The following ERAP2 variants were observed in gnomAD, a reference collection of about 807,000 sequenced individuals.
The protein encoded by ERAP2 is endoplasmic reticulum aminopeptidase 2.
Under a neutral mutation model 111.1 loss-of-function variants are expected in ERAP2, and 118 were observed. The ratio of observed to expected loss-of-function variants is 1.06; its 90% CI spans 0.92 to 1.24. The LOEUF is 1.24. ERAP2 is among the 50% of genes most tolerant of loss of function. The pLI is 0.00. For synonymous variants in ERAP2, 410 were observed against 401.2 expected (o/e 1.02, Z -0.26); for missense variants, 1,131 against 1,125.8 (o/e 1.00, Z -0.07).
chr5:96,886,695 A>C lies in ERAP2; in HGVS notation c.755A>C (p.His252Pro), dbSNP rs1783756451. 1 of 1,552,622 alleles carries C rather than the reference A, an allele frequency of 6.4e-7. No individual in the cohort carries two copies. Among genetic ancestry groups the C allele is most frequent in the Admixed American group, 1.7e-5 (1 of 58,418 alleles). The change falls in exon 4 of 19, where the codon CAC becomes CCC. Residue 252 changes from histidine (H) to proline (P), a missense_variant. His to Pro is a moderately conservative substitution (Grantham distance 77). Around this residue, in one of 3 missense-constraint regions of ERAP2, gnomAD observed 847 missense variants for 856.5 expected, o/e 0.99. Transcript: ENST00000437043. The part of the protein sequence containing the change: ...IELEGGLLED[H>P]FETTVKMSTY... The stretch of plus-strand genomic sequence containing the variant: ...CTTGAAGGAGGTCTTTTGGAAGATC[A>C]CTTTGAAACTACTGTAAAAATGAGT...
At chr5:96,893,508 T>G (rs1274408638) in intron 6 of ERAP2, among the ~76,000 whole-genome samples, 2 of 152,208 alleles carry the variant, frequency 1.3e-5, no homozygotes, top group Non-Finnish European at 2.9e-5. Flanking sequence ...GTTTTGATCA[T>G]GAGTCACCAG....
chr5:96,890,310 G>A (rs1323750045), intron 5 of ERAP2, among the ~76,000 whole-genome samples: 5 of 152,062 alleles, frequency 3.3e-5, no homozygotes, highest in African/African-American at 7.2e-5. Flanking sequence ...TAAGGAACAC[G>A]CAACTTAGAT....
chr5:96,876,247 A>T (rs1317941062), upstream of ERAP2: 3 of 152,348 alleles, frequency 2.0e-5, no homozygotes, highest in East Asian at 5.6e-4. Flanking sequence ...CCTGGGGACA[A>T]GGGAAGGGAG....
intron 12 of ERAP2, 148 bp from the exon 13 acceptor site, chr5:96,903,229 G>A (rs1010411451): frequency 3.4e-6 from 2 of 586,838 alleles, no homozygotes; most frequent in Non-Finnish European, 5.7e-6. Flanking sequence ...ATCATCCAGT[G>A]AACTACGAAA....
At chr5:96,915,656 T>A in intron 17 of ERAP2, 32 bp from the exon 18 acceptor site, 2 of 1,365,826 alleles carry the variant, frequency 1.5e-6, no homozygotes, top group South Asian at 1.4e-5. Flanking sequence ...AGTATTTCTA[T>A]GACTTTCTAT....
intron 14 of ERAP2, 121 bp from the exon 15 acceptor site, chr5:96,909,459 C>A: frequency 3.9e-6 from 3 of 768,928 alleles, no homozygotes; most frequent in South Asian, 1.8e-5. Flanking sequence ...TACGAAGATA[C>A]ACTGTTTGGG....
chr5:96,917,666 G>A lies in ERAP2; in HGVS notation c.*61G>A. 1 of 1,416,504 alleles carries A rather than the reference G, an allele frequency of 7.1e-7. No individual in the cohort carries two copies. Among genetic ancestry groups the A allele is most frequent in the Non-Finnish European group, 9.6e-7 (1 of 1,039,340 alleles). The allele number at this position is 1,416,504 out of a possible 1,614,324, so 87.7% of individuals were successfully genotyped here. ...TCACGCCTGTAATCCCAGCACTTTG[G>A]GAGGCTGAGAAGGGCGGATCACGAG... On this transcript the variant is annotated 3_prime_UTR_variant, in exon 19 of 19. Transcript: ENST00000437043.
chr5:96,889,489 C>G, intron 5 of ERAP2, 184 bp downstream of exon 5: 1 of 731,032 alleles, frequency 1.4e-6, no homozygotes, highest in Non-Finnish European at 2.4e-6. Flanking sequence ...TGACATGCCC[C>G]AACAGTGTGG....
chr5:96,885,553 C>T (rs1363359399), intron 3 of ERAP2, among the ~76,000 whole-genome samples: 1 of 152,170 alleles, frequency 6.6e-6, no homozygotes, highest in Non-Finnish European at 1.5e-5. Flanking sequence ...CATTTGCCAT[C>T]AAAGTAGACT....
intron 13 of ERAP2, among the ~76,000 whole-genome samples, chr5:96,908,651 C>G (rs1011012503): frequency 6.6e-6 from 1 of 152,090 alleles, no homozygotes; most frequent in African/African-American, 2.4e-5. Context: ...CATTTATTAA[C>G]CTTTTGCTAT....
At chr5:96,886,576 CTCA>C in intron 3 of ERAP2, 76 bp from the exon 4 acceptor site, 1 of 1,284,232 alleles carries the variant, frequency 7.8e-7, no homozygotes, top group Non-Finnish European at 1.0e-6. Context: ...TTGCCTCTAA[CTCA>C]CCTGCCATAA....
chr5:96,880,004 TTTATCATCTTGCACAGC>T lies in ERAP2; in HGVS notation c.320_336del (p.Phe107Ter), dbSNP rs753469242. The stretch of plus-strand genomic sequence containing the variant: ...AGTCTTGGTCAGCAATGCTACCCAG[TTTATCATCTTGCACAGC>T]AAAGATCTTGAAATCACGAATGCCA... On this transcript the variant is annotated frameshift_variant, in exon 2 of 19. Coordinates refer to ENST00000437043, the MANE Select transcript of ERAP2 (RefSeq NM_022350.5). LOFTEE classifies it high-confidence loss of function. 2 of 1,614,200 alleles carry T rather than the reference TTTATCATCTTGCACAGC, an allele frequency of 1.2e-6. No homozygotes were observed. Among genetic ancestry groups the T allele is most frequent in the East Asian group, 4.5e-5 (2 of 44,892 alleles).
At chr5:96,914,709 T>C (rs1238485027) in intron 17 of ERAP2, among the ~76,000 whole-genome samples, 1 of 152,206 alleles carries the variant, frequency 6.6e-6, no homozygotes, top group African/African-American at 2.4e-5. Context: ...AAGTTTTCCA[T>C]ATATAAAACA....
intron 8 of ERAP2, 25 bp downstream of exon 8, chr5:96,896,529 A>C: frequency 6.3e-7 from 1 of 1,584,512 alleles, no homozygotes; most frequent in Non-Finnish European, 8.5e-7. Context: ...GTGCAGGTGG[A>C]AGCTCTGCTT....
At position 96,907,429 on chromosome 5, in the gene ERAP2, ATAAAG is replaced by A. The variant is rs1375989154; in HGVS notation, c.2013-1529_2013-1525del. Among the ~76,000 whole-genome samples the A allele has an allele frequency of 1.1e-4, 16 of 152,236 alleles. 1 individual carries two copies. The highest frequency in any genetic ancestry group is 3.1e-4 in the African/African-American group (13 of 41,466). ...GGCTGGAAAGAAAAACTGGCTTAATATAAAGTAGTTTTAATATGTCAAATATTCTT... is the reference window on the plus strand; with the variant it reads ...GGCTGGAAAGAAAAACTGGCTTAATATAGTTTTAATATGTCAAATATTCTT... On this transcript the variant is annotated intron_variant, in intron 13 of 18. Transcript: ENST00000437043.
chr5:96,903,366 TA>T lies in ERAP2; in HGVS notation c.1829-10del, dbSNP rs751296729. 5.6e-6 allele frequency: 9 copies of T among 1,598,518 alleles called. No individual in the cohort carries two copies. The East Asian group carries it at 1.8e-4, about 32-fold the overall frequency. ...GATAATAAAATGCCTATGCCAATCT[TA>T]TCCTCTTAGATACTCTGGATCTACC... is the stretch of plus-strand genomic sequence containing the variant. On this transcript the variant is annotated splice_polypyrimidine_tract_variant and intron_variant, in intron 12 of 18. Coordinates refer to ENST00000437043, the MANE Select transcript of ERAP2 (RefSeq NM_022350.5).
At chr5:96,915,849 A>G in intron 18 of ERAP2, 80 bp downstream of exon 18, 1 of 1,208,244 alleles carries the variant, frequency 8.3e-7, no homozygotes, top group Non-Finnish European at 1.2e-6. Context: ...ATATAATCTG[A>G]TTTGAAGTTC....
At chr5:96,883,057 AG>A (rs1201688256) in intron 2 of ERAP2, among the ~76,000 whole-genome samples, 1 of 152,178 alleles carries the variant, frequency 6.6e-6, no homozygotes, top group Non-Finnish European at 1.5e-5. Context: ...TCATCTGAAG[AG>A]TGGCAAGCAG....
chr5:96,880,121 G>A lies in ERAP2; in HGVS notation c.436G>A (p.Glu146Lys), dbSNP rs143635500. 4.4e-5 allele frequency: 71 copies of A among 1,614,022 alleles called. No individual in the cohort carries two copies. Among genetic ancestry groups the A allele is most frequent in the Non-Finnish European group, 5.7e-5 (67 of 1,180,016 alleles). ...ELKVLSYPAHEQIALLVPEKL... is the reference protein window; with the variant it reads ...ELKVLSYPAHKQIALLVPEKL... ...GAAAGTTTTGAGTTACCCTGCTCAT[G>A]AACAAATTGCACTGCTGGTTCCAGA... Residue 146 changes from glutamate (E) to lysine (K), a missense_variant, in exon 2 of 19, where the codon GAA (glutamate) becomes AAA (lysine). Transcript: ENST00000437043.
Sources: gnomAD v4.1 joint callset for allele counts (sites outside exome capture counted in the v4.1 genomes callset) on GRCh38, gnomAD v4.1.1 for gene constraint, gnomAD v4.1.1 regional missense constraint, MANE v1.5 for transcripts, NCBI Gene and HGNC (gene_info 2026-07-23, HGNC 2026-07-21) for gene names.